The following SYNE2 variants were observed in gnomAD, a reference collection of about 807,000 sequenced individuals.
SYNE2 encodes the protein spectrin repeat containing nuclear envelope protein 2, also known as nesprin-2.
In SYNE2, 431 loss-of-function variants were observed where a neutral mutation model predicts 856.3. The ratio of observed to expected loss-of-function variants is 0.50; its 90% CI spans 0.47 to 0.55. The LOEUF (loss-of-function observed/expected upper bound fraction) is 0.55. Ranked by LOEUF, SYNE2 falls within the 20% of genes least tolerant of loss-of-function variation. The probability of loss-of-function intolerance (pLI) is 0.00; values close to 1 mark genes in which losing one functional copy is unlikely to be tolerated. For synonymous variants in SYNE2, 2,923 were observed against 2,872.3 expected (o/e 1.02, Z -0.56); for missense variants, 8,129 against 8,023.2 (o/e 1.01, Z -0.50).
Position 64,140,092 on chromosome 14 carries a change from T to C in SYNE2, c.14976+19T>C. 6.2e-7 allele frequency: 1 copy of C among 1,609,262 alleles called. No homozygotes were observed. Among genetic ancestry groups the C allele is most frequent in the Non-Finnish European group, 8.5e-7 (1 of 1,177,242 alleles). On this transcript the variant is annotated intron_variant, in intron 80 of 115. Coordinates refer to ENST00000555002, the MANE Select transcript of SYNE2 (RefSeq NM_182914.3). Reference sequence around the variant, plus strand: ...TTTTTTTGTAAGTTGTAATAGCATATGTTCAGTTAATTACTGGTCAGAAAT... The same window carrying C: ...TTTTTTTGTAAGTTGTAATAGCATACGTTCAGTTAATTACTGGTCAGAAAT...
chr14:64,206,613 AG>A (rs1346129899), intron 100 of SYNE2, among the ~76,000 whole-genome samples: 1 of 150,922 alleles, frequency 6.6e-6, no homozygotes, highest in Admixed American at 6.6e-5. Flanking sequence ...ATTATTGTAG[AG>A]TTCATTTCTT....
Position 64,134,163 on chromosome 14 carries a change from C to A in SYNE2, c.14609C>A (p.Thr4870Lys). 3 of 1,614,040 alleles carry A rather than the reference C, an allele frequency of 1.9e-6. No individual in the cohort carries two copies. Among genetic ancestry groups the A allele is most frequent in the Non-Finnish European group, 2.5e-6 (3 of 1,179,964 alleles). Residue 4870 changes from threonine (T) to lysine (K), a missense_variant, in exon 78 of 116, where the codon ACA (threonine) becomes AAA (lysine). Thr to Lys is a moderately conservative substitution (Grantham distance 78). Around this residue, in one of 3 missense-constraint regions of SYNE2, gnomAD observed 5,410 missense variants for 5,284.8 expected, o/e 1.02. Transcript: ENST00000555002. ...TLPSVSLVEE[T>K]EERLVERISF... ...CCCTCTGTGAGTTTGGTGGAAGAAA[C>A]AGAGGAAAGATTAGTGGAAAGGATT...
At chr14:64,116,220 A>G (rs1888365550) in intron 66 of SYNE2, among the ~76,000 whole-genome samples, 1 of 152,018 alleles carries the variant, frequency 6.6e-6, no homozygotes, top group South Asian at 2.1e-4. Flanking sequence ...AGGGAGGATT[A>G]TGCTTAGTAA....
Position 64,209,800 on chromosome 14 carries a change from T to G in SYNE2, c.18541-142T>G. The G allele has an allele frequency of 4.1e-6, 5 of 1,219,312 alleles. No homozygotes were observed. In the South Asian group the frequency reaches 6.3e-5, roughly 15 times the overall value. The allele number at this position is 1,219,312 out of a possible 1,614,324, so 75.5% of individuals were successfully genotyped here. ...TTGAAAGCCTGTTCTGTAGCTGGCATCAGGACTGGTGAATTAGGCCCTCTG... is the reference window on the plus strand; with the variant it reads ...TTGAAAGCCTGTTCTGTAGCTGGCAGCAGGACTGGTGAATTAGGCCCTCTG... On this transcript the variant is annotated intron_variant, in intron 102 of 115. Coordinates refer to ENST00000555002, the MANE Select transcript of SYNE2 (RefSeq NM_182914.3).
chr14:63,783,135 T>A (rs1429594185), intron 1 of SYNE2, among the ~76,000 whole-genome samples: 1 of 152,146 alleles, frequency 6.6e-6, no homozygotes, highest in Non-Finnish European at 1.5e-5. Flanking sequence ...TGGAGGTAAT[T>A]GAATCATGGG....
intron 1 of SYNE2, among the ~76,000 whole-genome samples, chr14:63,764,382 A>G (rs1350339157): frequency 2.6e-5 from 4 of 152,216 alleles, no homozygotes; most frequent in Non-Finnish European, 4.4e-5. Flanking sequence ...CAAAGTGGAC[A>G]GTGAGGGCCA....
At position 63,847,193 on chromosome 14, in the gene SYNE2, C is replaced by T. The variant is rs115996168; in HGVS notation, c.-304-5308C>T. On this transcript the variant is annotated intron_variant, in intron 1 of 23. Transcript: ENST00000674003. ...GATGATGTGGCTCACGCCTATAGTA[C>T]CAGTACTTTGAGAGGCCAAGGTAGG... Among the ~76,000 whole-genome samples, 764 of 151,496 alleles carry T rather than the reference C, an allele frequency of 5.0e-3. 4 individuals carry two copies. The highest frequency in any genetic ancestry group is 0.018 in the African/African-American group (735 of 41,322).
At chr14:64,074,867 C>A (rs990790083) in intron 53 of SYNE2, among the ~76,000 whole-genome samples, 4 of 125,706 alleles carry the variant, frequency 3.2e-5, no homozygotes, top group Admixed American at 9.3e-5. Flanking sequence ...TGCAATCCAG[C>A]CTGGCTCCAT....
intron 1 of SYNE2, among the ~76,000 whole-genome samples, chr14:63,845,460 A>C (rs965886729): frequency 1.3e-5 from 2 of 151,826 alleles, no homozygotes. Flanking sequence ...ATACTATGTA[A>C]TTTTCTGTTT....
upstream of SYNE2, chr14:63,852,854 G>A (rs1227327102): frequency 6.6e-6 from 1 of 152,040 alleles, no homozygotes; most frequent in Non-Finnish European, 1.5e-5. Flanking sequence ...CCCGGGCTGC[G>A]GCGGGGCCTG....
At chr14:63,958,370 T>C (rs1341469664) in intron 8 of SYNE2, among the ~76,000 whole-genome samples, 3 of 152,220 alleles carry the variant, frequency 2.0e-5, no homozygotes, top group Non-Finnish European at 4.4e-5. Flanking sequence ...TTTAAATAAA[T>C]GACCTTGACA....
intron 1 of SYNE2, among the ~76,000 whole-genome samples, chr14:63,892,975 A>G (rs976301471): frequency 6.6e-6 from 1 of 152,156 alleles, no homozygotes. Context: ...GTCAGTCAAG[A>G]GTAAAAACAA....
intron 96 of SYNE2, 58 bp from the exon 97 acceptor site, chr14:64,186,366 G>A: frequency 6.2e-7 from 1 of 1,609,172 alleles, no homozygotes; most frequent in East Asian, 2.2e-5. Context: ...CTACAGGTTT[G>A]GAAACAACAG....
chr14:63,777,585 GATA>G (rs1887156923), intron 1 of SYNE2, among the ~76,000 whole-genome samples: 1 of 152,164 alleles, frequency 6.6e-6, no homozygotes, highest in Non-Finnish European at 1.5e-5. Context: ...ACTCACAGAA[GATA>G]ATTATTATAA....
chr14:64,219,108 T>G (rs1051929549), intron 109 of SYNE2, 100 bp from the exon 110 acceptor site: 100 of 800,938 alleles, frequency 1.2e-4, no homozygotes, highest in Middle Eastern at 8.0e-4. Context: ...TTTTTTGTTT[T>G]TTTTTTTTTT....
rs1198283967 is a variant in SYNE2, at chr14:63,997,583, A to G, written c.3243+192A>G. Among the ~76,000 whole-genome samples, 3 of 152,218 alleles carry G rather than the reference A, an allele frequency of 2.0e-5. No individual in the cohort carries two copies. In the East Asian group the frequency reaches 5.8e-4, roughly 29 times the overall value. On this transcript the variant is annotated intron_variant, in intron 25 of 115. Coordinates refer to ENST00000555002, the MANE Select transcript of SYNE2 (RefSeq NM_182914.3). ...GCAACTAACCAAAGCTACAGTGAGC[A>G]TAACCTAATCTTCTTCTGAGTATAC...
intron 1 of SYNE2, among the ~76,000 whole-genome samples, chr14:63,831,095 C>T (rs954749805): frequency 3.9e-5 from 6 of 152,082 alleles, no homozygotes; most frequent in Admixed American, 3.9e-4. Flanking sequence ...CCCGCTTCGG[C>T]CTCCTAAAAG....
rs767838036 is a variant in SYNE2, at chr14:63,800,278, C to G, written c.-305+38292C>G. ...TCCTTCTGTTGCCCAGGCTGGAGTA[C>G]AGTGGTGCTCCAGCTCACTGCAACC... On this transcript the variant is annotated intron_variant, in intron 1 of 23. Coordinates refer to the SYNE2 transcript ENST00000674003. Among the ~76,000 whole-genome samples, 149 of 151,894 alleles carry G rather than the reference C, an allele frequency of 9.8e-4. 1 individual carries two copies. Among genetic ancestry groups the G allele is most frequent in the Non-Finnish European group, 1.8e-3 (120 of 67,928 alleles).
intron 89 of SYNE2, 82 bp downstream of exon 89, chr14:64,163,663 G>A (rs111331802): frequency 1.3e-6 from 2 of 1,523,928 alleles, no homozygotes. Context: ...TGAAGCAGTA[G>A]TGCTTTACGG....
Sources: gnomAD v4.1 joint callset for allele counts (sites outside exome capture counted in the v4.1 genomes callset) on GRCh38, gnomAD v4.1.1 for gene constraint, gnomAD v4.1.1 regional missense constraint, MANE v1.5 for transcripts, NCBI Gene and HGNC (gene_info 2026-07-23, HGNC 2026-07-21) for gene names.